CCDC171: variants seen among roughly 807,000 people sequenced by gnomAD.
CCDC171 encodes the protein coiled-coil domain containing 171.
A neutral mutation model predicts 168.2 loss-of-function variants in CCDC171; 177 were observed. The ratio of observed to expected loss-of-function variants is 1.05; its 90% CI spans 0.93 to 1.19. The LOEUF is 1.19. CCDC171 is among the 50% of genes most tolerant of loss of function. The pLI is 0.00. For missense variants in CCDC171, 1,991 were observed against 1,539.0 expected (o/e 1.29, Z -4.91); for synonymous variants, 687 against 540.8 (o/e 1.27, Z -3.75).
At chr9:16,032,055 A>G (rs1833372225) in intron 6 of CCDC171, among the ~76,000 whole-genome samples, 1 of 152,228 alleles carries the variant, frequency 6.6e-6, no homozygotes, top group African/African-American at 2.4e-5. Flanking sequence ...CTAGGAATGC[A>G]TCCGTGCCGA....
Position 15,901,289 on chromosome 9 carries a change from G to T in CCDC171, c.3601-18981G>T, listed in dbSNP as rs529381714. Reference sequence around the variant, plus strand: ...AGTGAATACATGTCACTATACATTTGTAAAACCCATAGAATGTCCAACACC... The same window carrying T: ...AGTGAATACATGTCACTATACATTTTTAAAACCCATAGAATGTCCAACACC... On this transcript the variant is annotated intron_variant, in intron 24 of 25. Coordinates refer to ENST00000380701, the MANE Select transcript of CCDC171 (RefSeq NM_173550.4). 2.6e-3 allele frequency among the ~76,000 whole-genome samples: 399 copies of T among 152,208 alleles called. 2 individuals carry two copies. The highest frequency in any genetic ancestry group is 4.1e-3 in the Non-Finnish European group (278 of 68,014).
intron 24 of CCDC171, among the ~76,000 whole-genome samples, chr9:15,879,557 A>C (rs1490122708): frequency 1.3e-5 from 2 of 151,910 alleles, no homozygotes; most frequent in African/African-American, 4.8e-5. Flanking sequence ...CTATTTTTGT[A>C]CTCTTTAACC....
rs116479150 is a variant in CCDC171, at chr9:15,734,017, C to T, written c.2049+4219C>T. ...CTCCAACTCCTGGCCTCAAGTGATC[C>T]TCTTTCCTTGGTCTCCCTAAGTGTT... On this transcript the variant is annotated intron_variant, in intron 16 of 25. Transcript: ENST00000380701. Among the ~76,000 whole-genome samples the T allele has an allele frequency of 9.6e-3, 1,458 of 152,198 alleles. 26 individuals carry two copies. Among genetic ancestry groups the T allele is most frequent in the African/African-American group, 0.034 (1,395 of 41,530 alleles).
At chr9:15,823,172 C>A (rs543077424) in intron 21 of CCDC171, among the ~76,000 whole-genome samples, 2 of 151,974 alleles carry the variant, frequency 1.3e-5, no homozygotes, top group East Asian at 3.9e-4. Flanking sequence ...AAATCACACA[C>A]CGGGTTTGTT....
intron 21 of CCDC171, among the ~76,000 whole-genome samples, chr9:15,792,386 TG>T (rs1255311969): frequency 6.6e-6 from 1 of 152,130 alleles, no homozygotes; most frequent in Non-Finnish European, 1.5e-5. Flanking sequence ...GGAACCAAGT[TG>T]GAAAACACTC....
chr9:15,976,291 C>G (rs890886218), downstream of CCDC171, among the ~76,000 whole-genome samples: 1 of 152,024 alleles, frequency 6.6e-6, no homozygotes, highest in Admixed American at 6.6e-5. Context: ...AGAAAATGTT[C>G]TTTCTTTTAA....
intron 11 of CCDC171, among the ~76,000 whole-genome samples, chr9:15,707,587 C>T (rs1418006588): frequency 6.6e-6 from 1 of 152,158 alleles, no homozygotes; most frequent in Non-Finnish European, 1.5e-5. Context: ...TCCACTTTCT[C>T]CCTTCCTTAC....
At chr9:15,802,974 T>C (rs1312619200) in intron 21 of CCDC171, among the ~76,000 whole-genome samples, 2 of 152,146 alleles carry the variant, frequency 1.3e-5, no homozygotes, top group Non-Finnish European at 2.9e-5. Context: ...TGGTATCTCA[T>C]TGTTGTTTTG....
At chr9:15,556,889 C>T (rs533370908) in intron 1 of CCDC171, among the ~76,000 whole-genome samples, 23 of 152,200 alleles carry the variant, frequency 1.5e-4, no homozygotes, top group South Asian at 4.1e-4. Context: ...ACATTTAAGT[C>T]GTTAATCCAT....
At chr9:15,934,356 C>G (rs1826861441) in intron 25 of CCDC171, among the ~76,000 whole-genome samples, 1 of 142,578 alleles carries the variant, frequency 7.0e-6, no homozygotes, top group Admixed American at 7.4e-5. Context: ...TGCCACTGCA[C>G]TCCAGCCTGG....
intron 21 of CCDC171, among the ~76,000 whole-genome samples, chr9:15,788,393 A>G (rs563806422): frequency 6.6e-6 from 1 of 152,326 alleles, no homozygotes; most frequent in South Asian, 2.1e-4. Context: ...GCTTTAAAAA[A>G]TAGTTCTTTT....
chr9:15,717,656 A>T (rs564841940), intron 11 of CCDC171, among the ~76,000 whole-genome samples: 7 of 152,336 alleles, frequency 4.6e-5, no homozygotes, highest in Middle Eastern at 3.4e-3. Context: ...CCACAGAAGG[A>T]TAGAGTACAA....
At chr9:15,647,372 G>A (rs957510188) in intron 7 of CCDC171, among the ~76,000 whole-genome samples, 7 of 152,138 alleles carry the variant, frequency 4.6e-5, no homozygotes, top group Admixed American at 6.5e-5. Flanking sequence ...ACATTCAAAA[G>A]CTAGCAGAAG....
the CCDC171 span, among the ~76,000 whole-genome samples, chr9:16,100,102 T>C: frequency 6.6e-6 from 1 of 151,852 alleles, no homozygotes; most frequent in Non-Finnish European, 1.5e-5. Flanking sequence ...CAGAAAACAA[T>C]GGGGGCATTG....
At chr9:15,759,289 G>A (rs1391307897) in intron 18 of CCDC171, among the ~76,000 whole-genome samples, 1 of 152,156 alleles carries the variant, frequency 6.6e-6, no homozygotes, top group Non-Finnish European at 1.5e-5. Context: ...CAGTTTGAGA[G>A]CAGGTTGATA....
At chr9:15,916,013 C>T (rs1458120760) in intron 24 of CCDC171, among the ~76,000 whole-genome samples, 1 of 151,978 alleles carries the variant, frequency 6.6e-6, no homozygotes, top group Non-Finnish European at 1.5e-5. Flanking sequence ...ATTCTATTTG[C>T]TAGTATTTTG....
chr9:15,807,627 C>T (rs1383182262), intron 21 of CCDC171, among the ~76,000 whole-genome samples: 1 of 151,888 alleles, frequency 6.6e-6, no homozygotes, highest in African/African-American at 2.4e-5. Flanking sequence ...CTACTTTGCT[C>T]TTCAGTTGCT....
intron 1 of CCDC171, among the ~76,000 whole-genome samples, chr9:15,559,090 C>A (rs1205940790): frequency 1.3e-5 from 2 of 152,094 alleles, no homozygotes; most frequent in African/African-American, 4.8e-5. Context: ...GCAGTGTGGT[C>A]TGAGAGACAG....
At chr9:15,660,405 T>C (rs1360281413) in intron 8 of CCDC171, among the ~76,000 whole-genome samples, 1 of 152,210 alleles carries the variant, frequency 6.6e-6, no homozygotes, top group African/African-American at 2.4e-5. Context: ...TGGGGCATGA[T>C]TGATTTTGTC....
Sources: allele counts gnomAD v4.1 joint callset (sites outside exome capture counted in the v4.1 genomes callset), GRCh38; gene constraint gnomAD v4.1.1; transcripts MANE v1.5; gene names NCBI Gene and HGNC (gene_info 2026-07-23, HGNC 2026-07-21).